MANBAL: variants seen among roughly 807,000 people sequenced by gnomAD.
MANBAL encodes protein MANBAL.
A neutral mutation model predicts 6.4 loss-of-function variants in MANBAL; 1 was observed. That is an observed-to-expected ratio of 0.16 (90% CI 0.06 to 0.74). The LOEUF (loss-of-function observed/expected upper bound fraction) is 0.74, where lower values mean the gene tolerates loss of function less well. Among genes scored for constraint, MANBAL ranks in the 30% least tolerant of loss-of-function variants. MANBAL has a pLI of 0.78. For synonymous variants in MANBAL, 47 were observed against 45.8 expected, an observed-to-expected ratio of 1.03 and a Z score of -0.10; for missense variants, 100 against 107.8, an observed-to-expected ratio of 0.93 and a Z score of 0.32.
intron 2 of MANBAL, among the ~76,000 whole-genome samples, chr20:37,313,204 C>G (rs1406100165): frequency 6.6e-6 from 1 of 151,674 alleles, no homozygotes; most frequent in Non-Finnish European, 1.5e-5. Context: ...TGGTGAAACC[C>G]CGTCTCTACT....
intron 2 of MANBAL, among the ~76,000 whole-genome samples, chr20:37,304,752 A>G (rs1232387169): frequency 1.3e-5 from 2 of 152,188 alleles, no homozygotes; most frequent in African/African-American, 4.8e-5. Context: ...GGGTGGGTGC[A>G]GGGAAGGAAC....
At chr20:37,289,885 C>T (rs191715581) in intron 1 of MANBAL, among the ~76,000 whole-genome samples, 199 bp downstream of exon 1, 2 of 152,240 alleles carry the variant, frequency 1.3e-5, no homozygotes, top group Non-Finnish European at 2.9e-5. Flanking sequence ...CCCCGGGAGG[C>T]GGAGGGCCTC....
chr20:37,311,278 G>A (rs894866112), intron 2 of MANBAL, among the ~76,000 whole-genome samples: 2 of 152,244 alleles, frequency 1.3e-5, no homozygotes, highest in Non-Finnish European at 2.9e-5. Flanking sequence ...GGGAGACACT[G>A]GCTGGCCAGT....
chr20:37,292,564 A>G (rs907325067), intron 1 of MANBAL, among the ~76,000 whole-genome samples: 1 of 152,150 alleles, frequency 6.6e-6, no homozygotes, highest in African/African-American at 2.4e-5. Flanking sequence ...CCTCCTGATT[A>G]CAGGAATCCC....
At chr20:37,312,802 C>T (rs1036031921) in intron 2 of MANBAL, among the ~76,000 whole-genome samples, 1 of 152,162 alleles carries the variant, frequency 6.6e-6, no homozygotes, top group African/African-American at 2.4e-5. Flanking sequence ...TGTGCCACCA[C>T]GCCCAGCTGT....
intron 1 of MANBAL, among the ~76,000 whole-genome samples, chr20:37,291,855 T>C (rs2068878851): frequency 6.6e-6 from 1 of 152,190 alleles, no homozygotes; most frequent in African/African-American, 2.4e-5. Flanking sequence ...CCTTTTGCCG[T>C]GATTGTGAGG....
intron 2 of MANBAL, among the ~76,000 whole-genome samples, chr20:37,306,777 G>A (rs531958787): frequency 6.6e-6 from 1 of 152,150 alleles, no homozygotes; most frequent in Non-Finnish European, 1.5e-5. Flanking sequence ...TGCTCTGGAG[G>A]AAAGAAATTG....
In MANBAL at chr20:37,316,637, G is replaced by A. The variant is rs2146840578; in HGVS notation, c.*222G>A. 4.5e-6 allele frequency: 2 copies of A among 440,380 alleles called. No individual in the cohort carries two copies. Among genetic ancestry groups the A allele is most frequent in the Middle Eastern group, 4.9e-4 (1 of 2,058 alleles). 27.3% of individuals were successfully genotyped at this position (440,380 alleles called of 1,614,324 possible). A position where few individuals can be genotyped will look rare whatever the true frequency, so the allele number is the denominator to read the frequency against. On this transcript the variant is annotated 3_prime_UTR_variant, in exon 3 of 3. Coordinates refer to ENST00000373606, the MANE Select transcript of MANBAL (RefSeq NM_001003897.2). ...TTCTGTGACGGTTTAGAGTCAAGGG[G>A]GCTGAAACACACTGTGAGCATAGAC... is the stretch of plus-strand genomic sequence containing the variant.
At chr20:37,291,877 A>G (rs952221140) in intron 1 of MANBAL, among the ~76,000 whole-genome samples, 2 of 152,224 alleles carry the variant, frequency 1.3e-5, no homozygotes, top group South Asian at 2.1e-4. Context: ...CTACCCACCC[A>G]TGTGGAACCG....
chr20:37,307,157 G>A (rs898812631), intron 2 of MANBAL, among the ~76,000 whole-genome samples: 5 of 152,022 alleles, frequency 3.3e-5, no homozygotes, highest in Non-Finnish European at 5.9e-5. Context: ...GTAGAGACAC[G>A]GTTTCACTAT....
intron 1 of MANBAL, chr20:37,298,928 G>A (rs1276875705): frequency 6.6e-6 from 1 of 151,922 alleles, no homozygotes; most frequent in Non-Finnish European, 1.5e-5. Flanking sequence ...ATAGCAACAG[G>A]GTCCCACTCT....
At chr20:37,307,770 A>T (rs1381112473) in intron 2 of MANBAL, among the ~76,000 whole-genome samples, 1 of 151,912 alleles carries the variant, frequency 6.6e-6, no homozygotes, top group African/African-American at 2.4e-5. Flanking sequence ...AAAAAAAAAA[A>T]GGAAACCAAA....
intron 2 of MANBAL, among the ~76,000 whole-genome samples, chr20:37,313,508 C>T (rs1423581858): frequency 6.6e-6 from 1 of 152,136 alleles, no homozygotes; most frequent in Non-Finnish European, 1.5e-5. Context: ...AGTTTGAGAC[C>T]AGCTTGGCCA....
intron 1 of MANBAL, among the ~76,000 whole-genome samples, chr20:37,299,845 G>T (rs1257059101): frequency 6.6e-6 from 1 of 152,208 alleles, no homozygotes; most frequent in East Asian, 1.9e-4. Flanking sequence ...TTGGGCAGAG[G>T]CCCAGGATTT....
chr20:37,316,457 T>TG lies in MANBAL; in HGVS notation c.*46dup. The TG allele has an allele frequency of 6.4e-7, 1 of 1,554,688 alleles. No individual in the cohort carries two copies. Among genetic ancestry groups the TG allele is most frequent in the Non-Finnish European group, 8.8e-7 (1 of 1,134,278 alleles). On this transcript the variant is annotated 3_prime_UTR_variant, in exon 3 of 3. Transcript: ENST00000373606. ...AGCTGGGCGGGCAGGGAGAGGGTCT[T>TG]GGGGACAGCCCTCCTGGGAATCTAC...
intron 2 of MANBAL, among the ~76,000 whole-genome samples, chr20:37,304,290 G>T (rs2069207285): frequency 6.6e-6 from 1 of 151,966 alleles, no homozygotes; most frequent in African/African-American, 2.4e-5. Context: ...TTAAAATTTT[G>T]ATTTAATTTG....
At chr20:37,296,945 C>T (rs2069011364) in intron 1 of MANBAL, 1 of 152,150 alleles carries the variant, frequency 6.6e-6, no homozygotes, top group Non-Finnish European at 1.5e-5. Context: ...TGTACCACTC[C>T]AAATATTTCT....
At chr20:37,306,699 A>G (rs1385653402) in intron 2 of MANBAL, among the ~76,000 whole-genome samples, 4 of 152,294 alleles carry the variant, frequency 2.6e-5, no homozygotes, top group African/African-American at 9.6e-5. Context: ...GGTAAGTTTC[A>G]TCTCTCATGC....
chr20:37,303,322 T>G (rs2069180781), intron 2 of MANBAL, among the ~76,000 whole-genome samples: 1 of 152,210 alleles, frequency 6.6e-6, no homozygotes, highest in African/African-American at 2.4e-5. Flanking sequence ...GTTGGGACAT[T>G]AGAAGTTTTC....
Sources: gnomAD v4.1 joint callset for allele counts (sites outside exome capture counted in the v4.1 genomes callset) on GRCh38, gnomAD v4.1.1 for gene constraint, MANE v1.5 for transcripts, NCBI Gene and HGNC (gene_info 2026-07-23, HGNC 2026-07-21) for gene names.